Variants in ATP2B4 observed in about 807,000 individuals in gnomAD.
ATP2B4 encodes the protein ATPase plasma membrane Ca2+ transporting 4.
In ATP2B4, 39 loss-of-function variants were observed where a neutral mutation model predicts 110.3. The observed-to-expected ratio is 0.35, with a 90% CI of 0.27 to 0.46. ATP2B4 has a LOEUF of 0.46. Ranked by LOEUF, ATP2B4 falls within the 20% of genes least tolerant of loss-of-function variation. The probability of loss-of-function intolerance (pLI) is 1.00; values close to 1 mark genes in which losing one functional copy is unlikely to be tolerated. For missense variants in ATP2B4, 1,135 were observed against 1,530.9 expected (o/e 0.74, Z 4.32); for synonymous variants, 538 against 571.7 (o/e 0.94, Z 0.84).
intron 1 of ATP2B4, among the ~76,000 whole-genome samples, chr1:203,651,026 C>T (rs527376167): frequency 5.3e-5 from 8 of 152,274 alleles, no homozygotes; most frequent in East Asian, 1.9e-4. Flanking sequence ...CCTCCTGCCT[C>T]GGCCTCCCAA....
chr1:203,700,225 T>C lies in ATP2B4; in HGVS notation c.669T>C (p.Asp223=). The C allele has an allele frequency of 6.2e-7, 1 of 1,613,738 alleles. No individual in the cohort carries two copies. The highest frequency in any genetic ancestry group is 8.5e-7 in the Non-Finnish European group (1 of 1,179,740). Residue 223 remains aspartate (D), a synonymous_variant, in exon 5 of 21, where the codon GAT becomes GAC. Transcript: ENST00000357681. ...CTCTAGGTGATCTGCTGCCTGCAGA[T>C]GGAATCCTGATCCAAGGGAATGATC... ...QVKYGDLLPA[D]GILIQGNDLK...
chr1:203,686,994 CTTTTT>C (rs11329273), intron 2 of ATP2B4, among the ~76,000 whole-genome samples: 1 of 86,458 alleles, frequency 1.2e-5, no homozygotes, highest in Non-Finnish European at 2.2e-5. Context: ...GGCATCTGGC[CTTTTT>C]TTTTTTTTTT....
chr1:203,627,862 CT>C (rs763466706), intron 1 of ATP2B4, among the ~76,000 whole-genome samples: 48 of 152,098 alleles, frequency 3.2e-4, no homozygotes, highest in Non-Finnish European at 6.0e-4. Flanking sequence ...TTTCTCTGTG[CT>C]GCTTGCAAAA....
chr1:203,635,155 G>A (rs1415971365), intron 1 of ATP2B4, among the ~76,000 whole-genome samples: 2 of 152,032 alleles, frequency 1.3e-5, no homozygotes, highest in African/African-American at 4.8e-5. Context: ...TGTATTTTTA[G>A]TAGAGACGAG....
intron 1 of ATP2B4, among the ~76,000 whole-genome samples, chr1:203,645,979 G>A (rs915768171): frequency 1.5e-4 from 23 of 151,270 alleles, no homozygotes; most frequent in African/African-American, 5.1e-4. Flanking sequence ...GAGACACCAC[G>A]TTTCGAGGAG....
chr1:203,717,612 TGAAATGG>T (rs2102208476), intron 15 of ATP2B4, among the ~76,000 whole-genome samples: 1 of 151,294 alleles, frequency 6.6e-6, no homozygotes, highest in Non-Finnish European at 1.5e-5. Flanking sequence ...CATTTTAATG[TGAAATGG>T]TATTTATTTT....
chr1:203,645,754 C>T (rs1201679079), intron 1 of ATP2B4, among the ~76,000 whole-genome samples: 1 of 152,026 alleles, frequency 6.6e-6, no homozygotes, highest in Non-Finnish European at 1.5e-5. Context: ...CTGTGCCCGG[C>T]TAATTTTTGT....
rs150587587 is a variant in ATP2B4 at position 203,707,060 on chromosome 1, T to C, written c.1151T>C (p.Ile384Thr). 1.3e-5 allele frequency: 21 copies of C among 1,613,964 alleles called. No individual in the cohort carries two copies. The highest frequency in any genetic ancestry group is 1.7e-5 in the Non-Finnish European group (20 of 1,179,984). The change falls in exon 9 of 21, where the codon ATT becomes ACT. Residue 384 changes from isoleucine (I) to threonine (T), a missense_variant. Ile to Thr is a moderately conservative substitution (Grantham distance 89). Around this residue, in one of 9 missense-constraint regions of ATP2B4, gnomAD observed 162 missense variants for 210.5 expected, o/e 0.77. Coordinates refer to ENST00000357681, the MANE Select transcript of ATP2B4 (RefSeq NM_001684.5). ...TVFILILYFVIDNFVINRRPW... is the reference protein window; with the variant it reads ...TVFILILYFVTDNFVINRRPW... Reference sequence around the variant, plus strand: ...TTCATCCTGATTCTATACTTTGTGATTGACAACTTTGTGATAAATCGCAGA... The same window carrying C: ...TTCATCCTGATTCTATACTTTGTGACTGACAACTTTGTGATAAATCGCAGA...
At chr1:203,656,942 C>T (rs2102326407) in intron 1 of ATP2B4, 1 of 673,980 alleles carries the variant, frequency 1.5e-6, no homozygotes, top group Non-Finnish European at 2.7e-6. Flanking sequence ...TGTGTAGTCC[C>T]CAATAATTAT....
intron 15 of ATP2B4, among the ~76,000 whole-genome samples, chr1:203,719,141 C>G (rs947225688): frequency 6.8e-6 from 1 of 146,956 alleles, no homozygotes; most frequent in Admixed American, 6.9e-5. Context: ...GGGAGGATTG[C>G]TTGAGCCCAA....
intron 1 of ATP2B4, among the ~76,000 whole-genome samples, chr1:203,671,761 G>A (rs919109123): frequency 6.6e-6 from 1 of 152,232 alleles, no homozygotes; most frequent in Admixed American, 6.5e-5. Context: ...CTTGGGTCTT[G>A]CTATGCAGAA....
intron 1 of ATP2B4, among the ~76,000 whole-genome samples, chr1:203,631,628 G>A (rs543341718): frequency 1.1e-4 from 17 of 152,250 alleles, no homozygotes; most frequent in African/African-American, 3.1e-4. Context: ...CGTGCTGGGC[G>A]CTGGGAGTCC....
Position 203,711,996 on chromosome 1 carries a change from A to G in ATP2B4, c.2068A>G (p.Ile690Val). Reference sequence around the variant, plus strand: ...TATTGCCAAATGCAAACAAGCTGGCATTACTGTCAGAATGGTGACAGGTGA... The same window carrying G: ...TATTGCCAAATGCAAACAAGCTGGCGTTACTGTCAGAATGGTGACAGGTGA... ...DAIAKCKQAG[I>V]TVRMVTGDNI... The change falls in exon 13 of 21, where the codon ATT becomes GTT. Residue 690 changes from isoleucine to valine, a missense_variant. Around this residue, in one of 9 missense-constraint regions of ATP2B4, gnomAD observed 368 missense variants for 455.9 expected, o/e 0.81. Transcript: ENST00000357681. 7 of 1,614,172 alleles carry G rather than the reference A, an allele frequency of 4.3e-6. 1 individual carries two copies. Among genetic ancestry groups the G allele is most frequent in the Middle Eastern group, 3.3e-4 (2 of 6,062 alleles).
intron 19 of ATP2B4, among the ~76,000 whole-genome samples, chr1:203,726,655 G>T (rs1365262130): frequency 6.6e-6 from 1 of 151,982 alleles, no homozygotes; most frequent in Non-Finnish European, 1.5e-5. Flanking sequence ...ATATCAGATT[G>T]CCCATACAGT....
At chr1:203,712,190 G>A in intron 13 of ATP2B4, 51 bp downstream of exon 13, 1 of 1,587,846 alleles carries the variant, frequency 6.3e-7, no homozygotes, top group South Asian at 1.1e-5. Flanking sequence ...GGAAAAGGCG[G>A]GTTCTAGCAT....
intron 1 of ATP2B4, among the ~76,000 whole-genome samples, chr1:203,637,435 C>CAAAA (rs57493948): frequency 1.1e-5 from 1 of 89,068 alleles, no homozygotes; most frequent in Non-Finnish European, 2.1e-5. Flanking sequence ...GACTCTGTCT[C>CAAAA]AAAAAAAAAA....
intron 1 of ATP2B4, among the ~76,000 whole-genome samples, chr1:203,650,222 G>A (rs1311410081): frequency 1.3e-5 from 2 of 152,170 alleles, no homozygotes; most frequent in East Asian, 3.8e-4. Flanking sequence ...GCTCAAGGAC[G>A]GGCGCTCCCG....
At chr1:203,721,090 T>C (rs1209611431) in intron 16 of ATP2B4, 107 bp from the exon 17 acceptor site, 1 of 1,159,302 alleles carries the variant, frequency 8.6e-7, no homozygotes, top group Non-Finnish European at 1.2e-6. Flanking sequence ...AGCTAGGAAG[T>C]GGCCAGATTC....
chr1:203,682,996 G>A lies in ATP2B4; in HGVS notation c.-210G>A, dbSNP rs1489056598. The A allele has an allele frequency of 3.9e-5, 19 of 493,500 alleles. No homozygotes were observed. Among genetic ancestry groups the A allele is most frequent in the Admixed American group, 3.1e-4 (9 of 28,630 alleles). The allele number at this position is 493,500 out of a possible 1,614,324, so 30.6% of individuals were successfully genotyped here. On this transcript the variant is annotated 5_prime_UTR_variant, in exon 2 of 21. Coordinates refer to ENST00000357681, the MANE Select transcript of ATP2B4 (RefSeq NM_001684.5). ...GTTCCCCCATCCTCTTCCTCCTCTC[G>A]CTGCCAGACTTCATACGGAAGAAAG...
Sources: allele counts gnomAD v4.1 joint callset (sites outside exome capture counted in the v4.1 genomes callset), GRCh38; gene constraint gnomAD v4.1.1; regional missense constraint gnomAD v4.1.1; transcripts MANE v1.5; gene names NCBI Gene and HGNC (gene_info 2026-07-23, HGNC 2026-07-21).